The following CTNND2 variants were observed in gnomAD, a reference collection of about 807,000 sequenced individuals.
CTNND2 encodes the protein catenin delta-2.
A neutral mutation model predicts 144.4 loss-of-function variants in CTNND2; 22 were observed. That is an observed-to-expected ratio of 0.15 (90% CI 0.11 to 0.22). The LOEUF (loss-of-function observed/expected upper bound fraction) is 0.22, where lower values mean the gene tolerates loss of function less well. CTNND2 is among the 10% of genes least tolerant of loss of function. The pLI is 1.00. For synonymous variants in CTNND2, 751 were observed against 695.6 expected (o/e 1.08, Z -1.25); for missense variants, 1,353 against 1,618.8 (o/e 0.84, Z 2.82).
intron 9 of CTNND2, among the ~76,000 whole-genome samples, chr5:11,326,642 G>A (rs1365693207): frequency 6.6e-6 from 1 of 152,166 alleles, no homozygotes; most frequent in Non-Finnish European, 1.5e-5. Context: ...AATGAGCTGT[G>A]TGCCTCCACA....
At chr5:11,780,497 C>T (rs985402114) in intron 1 of CTNND2, among the ~76,000 whole-genome samples, 1 of 152,158 alleles carries the variant, frequency 6.6e-6, no homozygotes, top group Non-Finnish European at 1.5e-5. Context: ...TTCCTCTGCC[C>T]TCTCACCTGG....
intron 9 of CTNND2, among the ~76,000 whole-genome samples, chr5:11,299,471 A>C (rs1749351965): frequency 6.6e-6 from 1 of 152,108 alleles, no homozygotes; most frequent in African/African-American, 2.4e-5. Context: ...CACATGCATC[A>C]AGGAGGCAGG....
chr5:11,071,344 T>A (rs950989874), intron 16 of CTNND2, among the ~76,000 whole-genome samples: 1 of 152,002 alleles, frequency 6.6e-6, no homozygotes, highest in Non-Finnish European at 1.5e-5. Context: ...TCAAGACCAG[T>A]CTGGCCAGCT....
chr5:11,762,518 T>C (rs1174422237), intron 1 of CTNND2, among the ~76,000 whole-genome samples: 2 of 152,314 alleles, frequency 1.3e-5, no homozygotes, highest in South Asian at 2.1e-4. Context: ...AAAAAAGAAT[T>C]ATTTTGAAAA....
chr5:11,866,472 G>T (rs918751737), intron 1 of CTNND2, among the ~76,000 whole-genome samples: 3 of 152,134 alleles, frequency 2.0e-5, no homozygotes, highest in Non-Finnish European at 4.4e-5. Context: ...AATCTCAGTT[G>T]CCCTATAAAT....
intron 3 of CTNND2, among the ~76,000 whole-genome samples, chr5:11,465,967 A>T (rs1766632787): frequency 6.6e-6 from 1 of 152,174 alleles, no homozygotes; most frequent in African/African-American, 2.4e-5. Flanking sequence ...TGGTACAACT[A>T]AAAACGAACT....
At chr5:11,816,372 T>G (rs1792656348) in intron 1 of CTNND2, among the ~76,000 whole-genome samples, 1 of 151,902 alleles carries the variant, frequency 6.6e-6, no homozygotes, top group African/African-American at 2.4e-5. Context: ...CAGATGTGGT[T>G]GGGAGATCTT....
At chr5:11,524,534 TGCATTAACACA>T (rs1321150544) in intron 3 of CTNND2, among the ~76,000 whole-genome samples, 1 of 152,154 alleles carries the variant, frequency 6.6e-6, no homozygotes, top group Non-Finnish European at 1.5e-5. Context: ...CAGGGAACCC[TGCATTAACACA>T]GTTTCTTTCC....
At chr5:11,395,211 C>T (rs182237601) in intron 6 of CTNND2, among the ~76,000 whole-genome samples, 1 of 152,264 alleles carries the variant, frequency 6.6e-6, no homozygotes, top group Admixed American at 6.5e-5. Flanking sequence ...ATTTGTTGAA[C>T]GTTTCTCTGA....
chr5:11,614,533 G>A lies in CTNND2; in HGVS notation c.175-49477C>T, dbSNP rs146273974. Reference sequence around the variant, plus strand: ...TTAAGATGAATTTTAACTCTTGGGCGTTTAACAAAGAGAAACTCCTGAAAA... The same window carrying A: ...TTAAGATGAATTTTAACTCTTGGGCATTTAACAAAGAGAAACTCCTGAAAA... On this transcript the variant is annotated intron_variant, in intron 2 of 21. Transcript: ENST00000304623. 1.1e-3 allele frequency among the ~76,000 whole-genome samples: 169 copies of A among 152,302 alleles called. 1 individual carries two copies. Among genetic ancestry groups the A allele is most frequent in the Middle Eastern group, 6.8e-3 (2 of 294 alleles).
chr5:11,800,923 A>G (rs1791645105), intron 1 of CTNND2, among the ~76,000 whole-genome samples: 1 of 152,208 alleles, frequency 6.6e-6, no homozygotes. Context: ...GTTGTTAAGT[A>G]GCAGTAACAT....
intron 18 of CTNND2, among the ~76,000 whole-genome samples, chr5:11,015,746 T>C (rs1194742006): frequency 1.3e-5 from 2 of 152,334 alleles, no homozygotes; most frequent in Admixed American, 1.3e-4. Flanking sequence ...TTTCAGGCAG[T>C]AATATTTCAT....
intron 11 of CTNND2, among the ~76,000 whole-genome samples, chr5:11,186,170 A>C (rs1735603968): frequency 6.6e-6 from 1 of 152,240 alleles, no homozygotes; most frequent in African/African-American, 2.4e-5. Context: ...GGAGGTGAAA[A>C]CTGAAGGCAA....
At chr5:11,508,640 A>G (rs1427678932) in intron 3 of CTNND2, among the ~76,000 whole-genome samples, 1 of 152,340 alleles carries the variant, frequency 6.6e-6, no homozygotes, top group East Asian at 1.9e-4. Context: ...GGCCGGGTGC[A>G]GTGGTTCACA....
chr5:11,898,827 T>C (rs1197051768), intron 1 of CTNND2, among the ~76,000 whole-genome samples: 1 of 152,206 alleles, frequency 6.6e-6, no homozygotes, highest in Non-Finnish European at 1.5e-5. Context: ...AAAATGTTTT[T>C]CTGACTGAAG....
At chr5:11,857,839 A>G (rs958933398) in intron 1 of CTNND2, among the ~76,000 whole-genome samples, 2 of 152,228 alleles carry the variant, frequency 1.3e-5, no homozygotes, top group African/African-American at 2.4e-5. Flanking sequence ...AATACATAAC[A>G]TGATATATTA....
intron 10 of CTNND2, among the ~76,000 whole-genome samples, chr5:11,229,824 T>C (rs184762115): frequency 1.1e-3 from 170 of 152,052 alleles, no homozygotes; most frequent in African/African-American, 3.9e-3. Context: ...TATATACATA[T>C]ATATACTCCT....
chr5:11,678,028 G>C (rs1784256601), intron 2 of CTNND2, among the ~76,000 whole-genome samples: 1 of 152,164 alleles, frequency 6.6e-6, no homozygotes, highest in African/African-American at 2.4e-5. Flanking sequence ...CTTCCTTCCT[G>C]ATAGTAGGAA....
rs150843349 is a variant in CTNND2 at position 11,446,922 on chromosome 5, G to A, written c.288-34853C>T. Among the ~76,000 whole-genome samples the A allele has an allele frequency of 4.4e-3, 673 of 152,148 alleles. 6 individuals carry two copies. Among genetic ancestry groups the A allele is most frequent in the Middle Eastern group, 6.8e-3 (2 of 294 alleles). On this transcript the variant is annotated intron_variant, in intron 3 of 21. Transcript: ENST00000304623. ...AGCTTACAGTAGTGCCAACTGTTCTGGAACTTTACTGCTCCTCTCAACTCT... is the reference window on the plus strand; with the variant it reads ...AGCTTACAGTAGTGCCAACTGTTCTAGAACTTTACTGCTCCTCTCAACTCT...
Sources: gnomAD v4.1 joint callset for allele counts (sites outside exome capture counted in the v4.1 genomes callset) on GRCh38, gnomAD v4.1.1 for gene constraint, MANE v1.5 for transcripts, NCBI Gene and HGNC (gene_info 2026-07-23, HGNC 2026-07-21) for gene names.